CACNA1E: variants seen among roughly 807,000 people sequenced by gnomAD.
CACNA1E encodes voltage-dependent R-type calcium channel subunit alpha-1E.
Under a neutral mutation model 259.2 loss-of-function variants are expected in CACNA1E, and 40 were observed. The observed-to-expected ratio is 0.15, with a 90% CI of 0.12 to 0.20. The LOEUF (loss-of-function observed/expected upper bound fraction) is 0.20. Ranked by LOEUF, CACNA1E falls within the 10% of genes least tolerant of loss-of-function variation. The pLI, the probability that CACNA1E is intolerant of heterozygous loss-of-function variation, is 1.00. For synonymous variants in CACNA1E, 1,104 were observed against 1,138.5 expected, an observed-to-expected ratio of 0.97 and a Z score of 0.61; for missense variants, 1,874 against 3,040.1, an observed-to-expected ratio of 0.62 and a Z score of 9.02.
chr1:181,589,195 C>T (rs1012315287), intron 6 of CACNA1E, among the ~76,000 whole-genome samples: 6 of 152,178 alleles, frequency 3.9e-5, no homozygotes, highest in Admixed American at 1.3e-4. Context: ...TCTGAGGCCA[C>T]GCTGAAGTTT....
chr1:181,656,352 G>A (rs1475256044), intron 7 of CACNA1E, among the ~76,000 whole-genome samples: 3 of 152,162 alleles, frequency 2.0e-5, no homozygotes, highest in African/African-American at 7.2e-5. Context: ...CCCTGTGCAG[G>A]CCTAGGCTAG....
At chr1:181,711,962 T>C (rs1022161520) in intron 8 of CACNA1E, among the ~76,000 whole-genome samples, 2 of 152,062 alleles carry the variant, frequency 1.3e-5, no homozygotes, top group Non-Finnish European at 2.9e-5. Context: ...GAATAGACCA[T>C]AGAAGGATAA....
At chr1:181,438,868 T>C (rs1230805159) in intron 2 of CACNA1E, among the ~76,000 whole-genome samples, 1 of 151,874 alleles carries the variant, frequency 6.6e-6, no homozygotes. Flanking sequence ...AAAGATTTCA[T>C]TGTAGTATTT....
chr1:181,332,107 C>T lies in CACNA1E; in HGVS notation c.-15+13984C>T, dbSNP rs1047543397. On this transcript the variant is annotated intron_variant, in intron 1 of 11. Transcript: ENST00000524607. The stretch of plus-strand genomic sequence containing the variant: ...GAAGCCATTATCCTCAGCAAACTAA[C>T]GTAGGAACAGAAAATCAAATACTAC... 2.0e-5 allele frequency among the ~76,000 whole-genome samples: 3 copies of T among 152,282 alleles called. No homozygotes were observed. The South Asian group carries it at 6.2e-4, about 32-fold the overall frequency.
intron 1 of CACNA1E, among the ~76,000 whole-genome samples, chr1:181,404,123 G>A (rs1255818675): frequency 6.6e-6 from 1 of 152,174 alleles, no homozygotes; most frequent in Non-Finnish European, 1.5e-5. Context: ...TACCTTGACT[G>A]GATTAGTCTA....
intron 6 of CACNA1E, among the ~76,000 whole-genome samples, chr1:181,597,363 T>C (rs1653288647): frequency 2.0e-5 from 3 of 152,240 alleles, no homozygotes; most frequent in Non-Finnish European, 4.4e-5. Context: ...CTTCCTCTTC[T>C]TCACCAGGGA....
intron 1 of CACNA1E, among the ~76,000 whole-genome samples, chr1:181,388,631 G>A (rs1309946404): frequency 6.6e-6 from 1 of 152,192 alleles, no homozygotes; most frequent in African/African-American, 2.4e-5. Context: ...ACTCACGCTT[G>A]TAATCCCAGA....
At chr1:181,460,478 AT>A (rs984570006) in intron 2 of CACNA1E, among the ~76,000 whole-genome samples, 6 of 152,210 alleles carry the variant, frequency 3.9e-5, no homozygotes, top group Non-Finnish European at 8.8e-5. Flanking sequence ...TATGGTTGAA[AT>A]TCAAATATGT....
intron 32 of CACNA1E, 42 bp from the exon 33 acceptor site, chr1:181,762,531 TC>T (rs1558359427): frequency 2.7e-6 from 3 of 1,117,968 alleles, no homozygotes; most frequent in Non-Finnish European, 4.0e-6. Context: ...CTTTTTTTTT[TC>T]TTTCCTTTTC....
rs968156563 is a variant in CACNA1E, at chr1:181,552,499, CT to C, written c.513-25256del. ...CTTGTCTAACCAATTAATCACTGAT[CT>C]TTTTTTTTTTCCTTAGAGTGTTCCA... is the stretch of plus-strand genomic sequence containing the variant. On this transcript the variant is annotated intron_variant, in intron 3 of 47. Transcript: ENST00000367573. 2.0e-3 allele frequency among the ~76,000 whole-genome samples: 294 copies of C among 146,276 alleles called. 1 individual carries two copies. Among genetic ancestry groups the C allele is most frequent in the African/African-American group, 5.9e-3 (235 of 39,908 alleles).
chr1:181,536,476 A>G (rs1439664327), intron 3 of CACNA1E, among the ~76,000 whole-genome samples: 1 of 152,202 alleles, frequency 6.6e-6, no homozygotes, highest in African/African-American at 2.4e-5. Flanking sequence ...GTAATTTTGT[A>G]AAATGCTTGC....
At chr1:181,774,999 TTCTC>T (rs1659849125) in intron 37 of CACNA1E, among the ~76,000 whole-genome samples, 1 of 152,190 alleles carries the variant, frequency 6.6e-6, no homozygotes, top group African/African-American at 2.4e-5. Context: ...AGGTCCAGGT[TTCTC>T]TCTATTTACA....
At chr1:181,450,432 GT>G (rs1661083472) in intron 2 of CACNA1E, among the ~76,000 whole-genome samples, 1 of 151,780 alleles carries the variant, frequency 6.6e-6, no homozygotes, top group Non-Finnish European at 1.5e-5. Context: ...TTGTGTGTGT[GT>G]GTGTGTGTGT....
In CACNA1E at chr1:181,576,911, G is replaced by C. The variant is rs77472611; in HGVS notation, c.513-855G>C. On this transcript the variant is annotated intron_variant, in intron 3 of 47. Transcript: ENST00000367573. ...CCCCCTTATTTTAGAGATGACAGAA[G>C]TGGGGTTCATAGAGGTTGAGAGACT... Among the ~76,000 whole-genome samples, 336 of 152,300 alleles carry C rather than the reference G, an allele frequency of 2.2e-3. 2 individuals are homozygous for C. The highest frequency in any genetic ancestry group is 3.3e-3 in the African/African-American group (139 of 41,558).
intron 1 of CACNA1E, among the ~76,000 whole-genome samples, chr1:181,362,068 C>T (rs967667983): frequency 2.0e-5 from 3 of 152,180 alleles, no homozygotes; most frequent in African/African-American, 7.2e-5. Context: ...ATATTACCTC[C>T]TTCATAGGAC....
At chr1:181,747,074 G>A (rs1421716364) in intron 25 of CACNA1E, among the ~76,000 whole-genome samples, 1 of 152,244 alleles carries the variant, frequency 6.6e-6, no homozygotes, top group Non-Finnish European at 1.5e-5. Context: ...ACACATTAGT[G>A]AGACACTCGA....
At chr1:181,642,196 A>G (rs1657852267) in intron 6 of CACNA1E, among the ~76,000 whole-genome samples, 1 of 151,986 alleles carries the variant, frequency 6.6e-6, no homozygotes, top group Non-Finnish European at 1.5e-5. Flanking sequence ...TGGCTTTTGA[A>G]CCTTGGTTCT....
intron 25 of CACNA1E, among the ~76,000 whole-genome samples, chr1:181,741,063 C>G (rs903715670): frequency 2.0e-5 from 3 of 152,186 alleles, no homozygotes; most frequent in African/African-American, 4.8e-5. Context: ...TTTACTAATT[C>G]ATTTGCATAG....
rs79932830 is a variant in CACNA1E, at chr1:181,550,934, G to T, written c.513-26832G>T. Among the ~76,000 whole-genome samples the T allele has an allele frequency of 2.6e-3, 400 of 152,078 alleles. 3 individuals are homozygous for T. In the East Asian group the frequency reaches 0.026, roughly 10 times the overall value. On this transcript the variant is annotated intron_variant, in intron 3 of 47. Transcript: ENST00000367573. ...GGAAGGCAAGCTTTATTTCTACATA[G>T]ATTGAAAGTATTATTATTATTACAT...
Sources: allele counts gnomAD v4.1 joint callset (sites outside exome capture counted in the v4.1 genomes callset), GRCh38; gene constraint gnomAD v4.1.1; transcripts MANE v1.5; gene names NCBI Gene and HGNC (gene_info 2026-07-23, HGNC 2026-07-21).